The following KCNIP4 variants were observed in gnomAD, a reference collection of about 807,000 sequenced individuals.
KCNIP4 encodes Kv channel-interacting protein 4.
KCNIP4 carries 12 observed loss-of-function variants against 34.0 expected under a neutral mutation model. The observed-to-expected ratio is 0.35, with a 90% CI of 0.23 to 0.57. The LOEUF (loss-of-function observed/expected upper bound fraction) is 0.57, where lower values mean the gene tolerates loss of function less well. Among genes scored for constraint, KCNIP4 ranks in the 20% least tolerant of loss-of-function variants. The pLI, the probability that KCNIP4 is intolerant of heterozygous loss-of-function variation, is 0.83. For synonymous variants in KCNIP4, 124 were observed against 102.2 expected, an observed-to-expected ratio of 1.21 and a Z score of -1.29; for missense variants, 238 against 311.7, an observed-to-expected ratio of 0.76 and a Z score of 1.78.
At chr4:21,827,309 CT>C (rs1722732632) in intron 1 of KCNIP4, among the ~76,000 whole-genome samples, 1 of 151,902 alleles carries the variant, frequency 6.6e-6, no homozygotes, top group Admixed American at 6.6e-5. Context: ...AAAATGCATC[CT>C]TAGTAAAAAT....
chr4:20,817,108 G>A (rs537522437), intron 3 of KCNIP4, among the ~76,000 whole-genome samples: 3 of 152,150 alleles, frequency 2.0e-5, no homozygotes, highest in Admixed American at 6.5e-5. Context: ...TGTCACAAAG[G>A]TTCAGTCAAT....
intron 1 of KCNIP4, among the ~76,000 whole-genome samples, chr4:21,883,607 A>C (rs1407276233): frequency 6.6e-6 from 1 of 152,122 alleles, no homozygotes; most frequent in Non-Finnish European, 1.5e-5. Flanking sequence ...TTTCTTTGTG[A>C]CTACTACTTT....
chr4:21,112,174 G>A (rs901434424), intron 1 of KCNIP4, among the ~76,000 whole-genome samples: 2 of 152,048 alleles, frequency 1.3e-5, no homozygotes, highest in Admixed American at 6.6e-5. Flanking sequence ...CCTTAAGAAT[G>A]GAACTTGAAA....
intron 1 of KCNIP4, among the ~76,000 whole-genome samples, chr4:21,175,392 C>T (rs1001064020): frequency 2.0e-5 from 3 of 152,154 alleles, no homozygotes; most frequent in Admixed American, 2.0e-4. Flanking sequence ...ATGCCTGAAA[C>T]CACAGATAGT....
chr4:20,758,773 A>T, intron 4 of KCNIP4, 48 bp downstream of exon 4: 1 of 1,433,558 alleles, frequency 7.0e-7, no homozygotes, highest in South Asian at 1.2e-5. Context: ...CACTGCAAGC[A>T]TAATTGTAAC....
intron 1 of KCNIP4, among the ~76,000 whole-genome samples, chr4:21,179,332 T>C (rs112858080): frequency 6.6e-6 from 1 of 152,196 alleles, no homozygotes; most frequent in Admixed American, 6.5e-5. Flanking sequence ...ATTGAGATCA[T>C]AGTAGCCAGA....
chr4:21,402,095 CT>C lies in KCNIP4; in HGVS notation c.62-519387del, dbSNP rs1723606060. Among the ~76,000 whole-genome samples the C allele has an allele frequency of 2.0e-5, 3 of 152,300 alleles. No homozygotes were observed. The South Asian group carries it at 6.2e-4, about 32-fold the overall frequency. ...CAGTTCAACTTCTAAAACGCATATA[CT>C]TTCTCCTCCAGGTTACTTATGGTAG... On this transcript the variant is annotated intron_variant, in intron 1 of 8. Transcript: ENST00000382152.
chr4:21,818,124 T>C (rs1267071731), intron 1 of KCNIP4, among the ~76,000 whole-genome samples: 1 of 152,148 alleles, frequency 6.6e-6, no homozygotes, highest in African/African-American at 2.4e-5. Context: ...GTCCTACCGA[T>C]ATGTGATGTC....
chr4:21,472,296 G>C (rs1010992692), intron 1 of KCNIP4, among the ~76,000 whole-genome samples: 1 of 152,038 alleles, frequency 6.6e-6, no homozygotes, highest in Non-Finnish European at 1.5e-5. Flanking sequence ...AGAGGACCCC[G>C]AGATCGTAGG....
chr4:21,333,430 G>GAT (rs59692058), intron 1 of KCNIP4, among the ~76,000 whole-genome samples: 1 of 151,542 alleles, frequency 6.6e-6, no homozygotes, highest in Non-Finnish European at 1.5e-5. Context: ...TCTGCACACA[G>GAT]ATATATATCT....
chr4:20,916,184 A>T, intron 1 of KCNIP4: 1 of 290,582 alleles, frequency 3.4e-6, no homozygotes, highest in Non-Finnish European at 5.1e-6. Context: ...ACCTTCACTC[A>T]CAATCTCCTC....
chr4:21,156,469 C>T (rs904654447), intron 1 of KCNIP4, among the ~76,000 whole-genome samples: 1 of 152,086 alleles, frequency 6.6e-6, no homozygotes, highest in Non-Finnish European at 1.5e-5. Context: ...AGTCAATGCA[C>T]GGAAAGAGCT....
At chr4:20,866,488 G>T (rs1722893630) in intron 2 of KCNIP4, among the ~76,000 whole-genome samples, 1 of 151,910 alleles carries the variant, frequency 6.6e-6, no homozygotes, top group African/African-American at 2.4e-5. Flanking sequence ...TACCAGACTA[G>T]GCATCTAAAT....
chr4:21,603,326 A>G (rs1560553086), intron 1 of KCNIP4, among the ~76,000 whole-genome samples: 1 of 152,114 alleles, frequency 6.6e-6, no homozygotes, highest in African/African-American at 2.4e-5. Context: ...ATTTATTCAG[A>G]CTTTTTGAGT....
intron 1 of KCNIP4, among the ~76,000 whole-genome samples, chr4:21,383,535 G>C (rs1721731411): frequency 6.8e-6 from 1 of 147,722 alleles, no homozygotes. Flanking sequence ...AAGAGTTTTA[G>C]AAAAAGAATG....
intron 1 of KCNIP4, among the ~76,000 whole-genome samples, chr4:21,918,258 T>C (rs908721652): frequency 5.9e-5 from 9 of 152,184 alleles, no homozygotes; most frequent in African/African-American, 1.7e-4. Context: ...AAACAGGCAC[T>C]TTGAATGCTG....
chr4:21,039,551 C>T (rs774919950), intron 1 of KCNIP4, among the ~76,000 whole-genome samples: 1 of 151,844 alleles, frequency 6.6e-6, no homozygotes, highest in Non-Finnish European at 1.5e-5. Context: ...TGCCAGATCC[C>T]CACCCTCAAA....
At chr4:20,859,550 G>A (rs555214859) in intron 2 of KCNIP4, among the ~76,000 whole-genome samples, 2 of 152,232 alleles carry the variant, frequency 1.3e-5, no homozygotes, top group East Asian at 3.9e-4. Flanking sequence ...GTCTCTCAGG[G>A]CTGAGTTTGT....
chr4:20,875,341 T>A (rs1723902611), intron 2 of KCNIP4, among the ~76,000 whole-genome samples: 1 of 152,180 alleles, frequency 6.6e-6, no homozygotes, highest in African/African-American at 2.4e-5. Flanking sequence ...GATTCAGAAA[T>A]TAAATAATCC....
Sources: gnomAD v4.1 joint callset for allele counts (sites outside exome capture counted in the v4.1 genomes callset) on GRCh38, gnomAD v4.1.1 for gene constraint, MANE v1.5 for transcripts, NCBI Gene and HGNC (gene_info 2026-07-23, HGNC 2026-07-21) for gene names.